Variants in RIN2 observed in about 807,000 individuals in gnomAD.
RIN2 encodes the protein Ras and Rab interactor 2, also known as RAB5 interacting protein 2.
In RIN2, 36 loss-of-function variants were observed where a neutral mutation model predicts 78.0. That is an observed-to-expected ratio of 0.46 (90% CI 0.35 to 0.61). RIN2 has a LOEUF of 0.61. RIN2 is among the 20% of genes least tolerant of loss of function. The pLI, the probability that RIN2 is intolerant of heterozygous loss-of-function variation, is 0.00. For synonymous variants in RIN2, 466 were observed against 466.8 expected, an observed-to-expected ratio of 1.00 and a Z score of 0.02; for missense variants, 1,087 against 1,159.7, an observed-to-expected ratio of 0.94 and a Z score of 0.91.
Position 19,853,024 on chromosome 20 carries a change from G to C in RIN2, c.-36-36542G>C, listed in dbSNP as rs373381288. Among the ~76,000 whole-genome samples the C allele has an allele frequency of 3.3e-3, 448 of 134,986 alleles. 1 individual carries two copies. Among genetic ancestry groups the C allele is most frequent in the South Asian group, 0.011 (43 of 3,786 alleles). The allele number at this position is 134,986 out of a possible 152,430, so 88.6% of individuals were successfully genotyped here. A position where few individuals can be genotyped will look rare whatever the true frequency, so the allele number is the denominator to read the frequency against. ...CATTAGGTATATCTCCTAATGCTAT[G>C]CCTCCCCCTCCCCCCACCCCATGAC... is the stretch of plus-strand genomic sequence containing the variant. On this transcript the variant is annotated intron_variant, in intron 2 of 12. Coordinates refer to ENST00000255006, the MANE Select transcript of RIN2 (RefSeq NM_018993.4).
At chr20:19,841,823 T>A (rs1444622482) in intron 2 of RIN2, among the ~76,000 whole-genome samples, 2 of 152,190 alleles carry the variant, frequency 1.3e-5, no homozygotes, top group Admixed American at 1.3e-4. Context: ...GTTCATGAGA[T>A]TTAAGAAAAG....
intron 2 of RIN2, among the ~76,000 whole-genome samples, chr20:19,840,768 T>C (rs2036553949): frequency 1.3e-5 from 2 of 152,322 alleles, no homozygotes; most frequent in South Asian, 4.1e-4. Flanking sequence ...TCATGCATGT[T>C]CCACAAGCTC....
chr20:19,950,359 C>T (rs1489904622), intron 4 of RIN2, among the ~76,000 whole-genome samples: 6 of 152,130 alleles, frequency 3.9e-5, no homozygotes, highest in Non-Finnish European at 8.8e-5. Flanking sequence ...GGAATGGCTG[C>T]ACAAATAAAT....
chr20:19,767,023 G>A (rs1429608211), intron 1 of RIN2, among the ~76,000 whole-genome samples: 2 of 152,158 alleles, frequency 1.3e-5, no homozygotes, highest in Non-Finnish European at 2.9e-5. Flanking sequence ...TTCACCTGCT[G>A]AAGGTTTGCT....
intron 2 of RIN2, among the ~76,000 whole-genome samples, chr20:19,840,485 C>G (rs1370975616): frequency 6.6e-6 from 1 of 152,172 alleles, no homozygotes; most frequent in Non-Finnish European, 1.5e-5. Context: ...CACACATTGT[C>G]ATTTCCTTTC....
chr20:19,833,417 C>T (rs924880286), intron 2 of RIN2, among the ~76,000 whole-genome samples: 36 of 152,072 alleles, frequency 2.4e-4, no homozygotes, highest in Admixed American at 1.4e-3. Context: ...CCCTCACTCC[C>T]GACTCCCCAA....
chr20:19,931,604 A>C (rs1043581408), intron 3 of RIN2, among the ~76,000 whole-genome samples: 1 of 152,210 alleles, frequency 6.6e-6, no homozygotes, highest in Non-Finnish European at 1.5e-5. Flanking sequence ...TGTAATGAGC[A>C]AATCAGGGTA....
At chr20:19,943,648 C>T (rs140844754) in intron 4 of RIN2, among the ~76,000 whole-genome samples, 70 of 152,294 alleles carry the variant, frequency 4.6e-4, no homozygotes, top group African/African-American at 1.7e-3. Flanking sequence ...AGTCGGAAAA[C>T]TGGACCTAGG....
At chr20:19,867,845 T>C (rs1344694292) in intron 2 of RIN2, among the ~76,000 whole-genome samples, 1 of 152,242 alleles carries the variant, frequency 6.6e-6, no homozygotes, top group Non-Finnish European at 1.5e-5. Flanking sequence ...TGGGAGGGTA[T>C]TTAGACTTTG....
chr20:19,930,940 G>A (rs559990001), intron 3 of RIN2, among the ~76,000 whole-genome samples: 7 of 152,100 alleles, frequency 4.6e-5, no homozygotes, highest in African/African-American at 1.2e-4. Flanking sequence ...TCATCATTTC[G>A]CCATTTCATT....
chr20:19,952,113 C>T (rs1238830534), intron 4 of RIN2, among the ~76,000 whole-genome samples: 1 of 152,220 alleles, frequency 6.6e-6, no homozygotes, highest in Non-Finnish European at 1.5e-5. Context: ...CCTGGTCCCA[C>T]AGGGAGCTCA....
chr20:19,982,902 A>G (rs1361372818), intron 9 of RIN2, among the ~76,000 whole-genome samples: 2 of 152,102 alleles, frequency 1.3e-5, no homozygotes, highest in East Asian at 1.9e-4. Context: ...GTTCAACGCC[A>G]CCTCTTGGAG....
chr20:19,912,517 C>G lies in RIN2; in HGVS notation c.58-22582C>G, dbSNP rs114471234. Among the ~76,000 whole-genome samples the G allele has an allele frequency of 2.1e-3, 265 of 127,678 alleles. 2 individuals are homozygous for G. Among genetic ancestry groups the G allele is most frequent in the African/African-American group, 7.5e-3 (252 of 33,700 alleles). 83.8% of individuals were successfully genotyped at this position (127,678 alleles called of 152,430 possible). On this transcript the variant is annotated intron_variant, in intron 3 of 12. Transcript: ENST00000255006. ...TTTTGAGATGAAGTCTCACTCCCAT[C>G]GCCCAGGCTGGAGTGCCATGCTGCG...
chr20:19,837,169 A>ACACACACACACAC (rs1491093860), intron 2 of RIN2, among the ~76,000 whole-genome samples: 6 of 140,132 alleles, frequency 4.3e-5, no homozygotes, highest in African/African-American at 1.1e-4. Context: ...CGCCCCCCCC[A>ACACACACACACAC]ACACACACAC....
Position 19,964,972 on chromosome 20 carries a change from G to A in RIN2, c.484G>A (p.Gly162Arg). 6.2e-7 allele frequency: 1 copy of A among 1,613,606 alleles called. No homozygotes were observed. Among genetic ancestry groups the A allele is most frequent in the Non-Finnish European group, 8.5e-7 (1 of 1,179,804 alleles). Residue 162 changes from glycine to arginine, a missense_variant, in exon 7 of 13, where the codon GGA (glycine) becomes AGA (arginine). Physicochemically the swap from Gly to Arg is moderately radical, Grantham distance 125. This residue lies in a region of RIN2 where 706 missense variants were observed against 667.5 expected (regional missense o/e 1.06). Coordinates refer to ENST00000255006, the MANE Select transcript of RIN2 (RefSeq NM_018993.4). The stretch of plus-strand genomic sequence containing the variant: ...TCCAGCCTTTTCCCTGGAAGGCTCA[G>A]GAATCAGTTTCGCAGATTTATTCCG... ...STYTFSLEGS[G>R]ISFADLFRLI...
intron 2 of RIN2, chr20:19,889,070 GCAATTTCTTCC>G: frequency 1.1e-6 from 1 of 925,358 alleles, no homozygotes; most frequent in Non-Finnish European, 1.3e-6. Context: ...GAAAAATAGA[GCAATTTCTTCC>G]CAGTGCCCTT....
intron 4 of RIN2, among the ~76,000 whole-genome samples, chr20:19,936,402 C>A (rs769141745): frequency 9.1e-6 from 1 of 109,972 alleles, no homozygotes; most frequent in Non-Finnish European, 2.1e-5. Flanking sequence ...CATCGTGGAA[C>A]TTTAGCCAGG....
In RIN2 at chr20:19,872,142, G is replaced by A. The variant is rs556301766; in HGVS notation, c.-36-17424G>A. Reference sequence around the variant, plus strand: ...CTGATGGTTTTATAAGAGTTCAGAAGTTCCTCCTTTTTCACTCGTCTCTCT... The same window carrying A: ...CTGATGGTTTTATAAGAGTTCAGAAATTCCTCCTTTTTCACTCGTCTCTCT... On this transcript the variant is annotated intron_variant, in intron 2 of 12. Coordinates refer to ENST00000255006, the MANE Select transcript of RIN2 (RefSeq NM_018993.4). 9 of 152,214 alleles carry A rather than the reference G, an allele frequency of 5.9e-5. No individual in the cohort carries two copies. In the East Asian group the frequency reaches 1.5e-3, roughly 26 times the overall value. The allele number at this position is 152,214 out of a possible 1,614,324, so 9.4% of individuals were successfully genotyped here. A position where few individuals can be genotyped will look rare whatever the true frequency, so the allele number is the denominator to read the frequency against.
intron 1 of RIN2, among the ~76,000 whole-genome samples, chr20:19,781,009 A>G: frequency 6.6e-6 from 1 of 152,150 alleles, no homozygotes; most frequent in Admixed American, 6.5e-5. Context: ...ACCCACAACC[A>G]CCACATGATC....
Sources: gnomAD v4.1 joint callset for allele counts (sites outside exome capture counted in the v4.1 genomes callset) on GRCh38, gnomAD v4.1.1 for gene constraint, gnomAD v4.1.1 regional missense constraint, MANE v1.5 for transcripts, NCBI Gene and HGNC (gene_info 2026-07-23, HGNC 2026-07-21) for gene names.